Variants in SLC13A4 observed in about 807,000 individuals in gnomAD.
SLC13A4 encodes Na(+)/sulfate cotransporter SUT-1.
In SLC13A4, 28 loss-of-function variants were observed where a neutral mutation model predicts 72.7. The observed-to-expected ratio is 0.39, with a 90% CI of 0.29 to 0.53. The LOEUF (loss-of-function observed/expected upper bound fraction) is 0.53. Ranked by LOEUF, SLC13A4 falls within the 20% of genes least tolerant of loss-of-function variation. The probability of loss-of-function intolerance (pLI) is 0.78; values close to 1 mark genes in which losing one functional copy is unlikely to be tolerated. For missense variants in SLC13A4, 653 were observed against 788.0 expected, an observed-to-expected ratio of 0.83 and a Z score of 2.05; for synonymous variants, 312 against 325.5, an observed-to-expected ratio of 0.96 and a Z score of 0.45.
intron 2 of SLC13A4, among the ~76,000 whole-genome samples, chr7:135,716,630 A>G (rs1480553466): frequency 2.6e-5 from 4 of 152,308 alleles, no homozygotes; most frequent in East Asian, 3.9e-4. Context: ...TATTAATTCA[A>G]CGGAGGATTT....
intron 1 of SLC13A4, 127 bp downstream of exon 1, chr7:135,727,271 C>A: frequency 3.2e-6 from 4 of 1,240,518 alleles, no homozygotes; most frequent in Non-Finnish European, 3.3e-6. Context: ...AAAATCCTTC[C>A]ATTTCTTTAA....
chr7:135,699,585 C>G (rs941873036), intron 7 of SLC13A4, 37 bp from the exon 8 acceptor site: 1 of 1,546,370 alleles, frequency 6.5e-7, no homozygotes, highest in South Asian at 1.3e-5. Flanking sequence ...TCCAACCCAG[C>G]TTGGGCTGTC....
At chr7:135,708,421 A>G (rs73454413) in intron 2 of SLC13A4, among the ~76,000 whole-genome samples, 171 bp from the exon 3 acceptor site, 2,105 of 152,304 alleles carry the variant, frequency 0.014, 50 homozygotes, top group African/African-American at 0.048. Context: ...CTAGAGTCAC[A>G]TCTACTGAGC....
At chr7:135,704,807 GA>G (rs1796124895) in intron 5 of SLC13A4, 1 of 152,196 alleles carries the variant, frequency 6.6e-6, no homozygotes, top group South Asian at 2.1e-4. Context: ...TAGTGGTGGA[GA>G]AAAATAAAGC....
intron 13 of SLC13A4, among the ~76,000 whole-genome samples, chr7:135,690,205 AAAGAG>A (rs1795747225): frequency 6.7e-6 from 1 of 150,276 alleles, no homozygotes; most frequent in African/African-American, 2.4e-5. Flanking sequence ...AAAAAAAAAA[AAAGAG>A]AACCAAGTTT....
chr7:135,695,541 A>G, intron 8 of SLC13A4, 54 bp from the exon 9 acceptor site: 3 of 1,575,426 alleles, frequency 1.9e-6, no homozygotes, highest in Non-Finnish European at 1.7e-6. Context: ...TCCATATGGT[A>G]TTTTGGGGTA....
chr7:135,716,631 C>T (rs939339718), intron 2 of SLC13A4, among the ~76,000 whole-genome samples: 3 of 152,180 alleles, frequency 2.0e-5, no homozygotes, highest in Admixed American at 6.5e-5. Flanking sequence ...ATTAATTCAA[C>T]GGAGGATTTT....
intron 2 of SLC13A4, among the ~76,000 whole-genome samples, chr7:135,708,562 A>G (rs1796222659): frequency 6.6e-6 from 1 of 152,222 alleles, no homozygotes. Context: ...ATATGATGTG[A>G]ATATGATTTT....
rs568266494 is a variant in SLC13A4, at chr7:135,724,261, G to A, written c.100-2738C>T. Among the ~76,000 whole-genome samples, 8 of 152,276 alleles carry A rather than the reference G, an allele frequency of 5.3e-5. No individual in the cohort carries two copies. The South Asian group carries it at 1.0e-3, about 20-fold the overall frequency. On this transcript the variant is annotated intron_variant, in intron 1 of 15. Transcript: ENST00000682651. ...TGTAATCCCAGCACTATGGGAGGCCGAGGTGGGTGGATCAGTTGAGGTCAG... is the reference window on the plus strand; with the variant it reads ...TGTAATCCCAGCACTATGGGAGGCCAAGGTGGGTGGATCAGTTGAGGTCAG...
chr7:135,694,301 A>G lies in SLC13A4; in HGVS notation c.1020-63T>C, dbSNP rs1339365952. The G allele has an allele frequency of 3.9e-6, 4 of 1,012,990 alleles. No homozygotes were observed. In the Admixed American group the frequency reaches 5.4e-5, roughly 14 times the overall value. 62.8% of individuals were successfully genotyped at this position (1,012,990 alleles called of 1,614,324 possible). On this transcript the variant is annotated intron_variant, in intron 9 of 15. Coordinates refer to ENST00000682651, the MANE Select transcript of SLC13A4 (RefSeq NM_001318192.2). ...CACTTCTGAGGCCCAGAGATCAAAT[A>G]TTAGGTAAATACTAAACCGCTTGCC... is the stretch of plus-strand genomic sequence containing the variant.
At position 135,692,495 on chromosome 7, in the gene SLC13A4, G is replaced by A. The variant is rs1293584097; in HGVS notation, c.1122-71C>T. On this transcript the variant is annotated intron_variant, in intron 10 of 15. Transcript: ENST00000682651. ...TCCTAGCTTTTTCACTTTGCTTCTG[G>A]AAGCTTCTGTATTTAGAGTTTCAAT... 17 of 1,110,072 alleles carry A rather than the reference G, an allele frequency of 1.5e-5. 1 individual carries two copies. The South Asian group carries it at 2.0e-4, about 13-fold the overall frequency. 68.8% of individuals were successfully genotyped at this position (1,110,072 alleles called of 1,614,324 possible). A position where few individuals can be genotyped will look rare whatever the true frequency, so the allele number is the denominator to read the frequency against.
intron 14 of SLC13A4, among the ~76,000 whole-genome samples, chr7:135,685,160 T>G (rs1402012940): frequency 1.3e-5 from 2 of 152,210 alleles, no homozygotes; most frequent in Non-Finnish European, 2.9e-5. Context: ...TCTTTGGCCC[T>G]ACTCAGGTTT....
rs182916781 is a variant in SLC13A4 at position 135,690,993 on chromosome 7, C to T, written c.1446+208G>A. ...TAGCCTGGCCAACATGGTGAAACCGCGTCTCTACTAAAAATACAAAAACTA... is the reference window on the plus strand; with the variant it reads ...TAGCCTGGCCAACATGGTGAAACCGTGTCTCTACTAAAAATACAAAAACTA... On this transcript the variant is annotated intron_variant, in intron 13 of 15. Coordinates refer to ENST00000682651, the MANE Select transcript of SLC13A4 (RefSeq NM_001318192.2). 1.2e-4 allele frequency among the ~76,000 whole-genome samples: 19 copies of T among 152,108 alleles called. 1 individual carries two copies. The South Asian group carries it at 3.1e-3, about 25-fold the overall frequency.
At position 135,682,072 on chromosome 7, in the gene SLC13A4, G is replaced by A. The variant is rs943528578; in HGVS notation, c.1747-372C>T. Among the ~76,000 whole-genome samples the A allele has an allele frequency of 3.9e-5, 6 of 152,320 alleles. No individual in the cohort carries two copies. In the South Asian group the frequency reaches 6.2e-4, roughly 16 times the overall value. On this transcript the variant is annotated intron_variant, in intron 15 of 15. Coordinates refer to ENST00000682651, the MANE Select transcript of SLC13A4 (RefSeq NM_001318192.2). Reference sequence around the variant, plus strand: ...TAAAGCAGGAACTTCTCAGAGCCCCGATGCGTTAATACAGGGAACTTGTAC... The same window carrying A: ...TAAAGCAGGAACTTCTCAGAGCCCCAATGCGTTAATACAGGGAACTTGTAC...
At chr7:135,681,826 T>C in intron 15 of SLC13A4, 126 bp from the exon 16 acceptor site, 2 of 1,294,918 alleles carry the variant, frequency 1.5e-6, no homozygotes, top group Non-Finnish European at 2.1e-6. Context: ...CTGCCTGGGG[T>C]GCTCTAGCAT....
intron 2 of SLC13A4, among the ~76,000 whole-genome samples, chr7:135,715,972 G>A (rs565149278): frequency 2.6e-5 from 4 of 152,362 alleles, no homozygotes; most frequent in East Asian, 3.9e-4. Flanking sequence ...CAAAGTCTAT[G>A]TCTAGTGTAT....
intron 2 of SLC13A4, among the ~76,000 whole-genome samples, chr7:135,720,410 C>T (rs1314920035): frequency 1.3e-5 from 2 of 152,096 alleles, no homozygotes; most frequent in African/African-American, 2.4e-5. Flanking sequence ...TTGTACAGCC[C>T]TTGGGAGTAT....
Position 135,699,409 on chromosome 7 carries a change from A to C in SLC13A4, c.854T>G (p.Ile285Ser), listed in dbSNP as rs1795979625. 3 of 1,613,354 alleles carry C rather than the reference A, an allele frequency of 1.9e-6. No homozygotes were observed. In the East Asian group the frequency reaches 6.7e-5, roughly 36 times the overall value. ...GATGAGGCTGGTGGAGGTGCCGATG[A>C]TGGTGGTCAGGCCGCCAATGGTAGC... is the stretch of plus-strand genomic sequence containing the variant. The part of the protein sequence containing the change: ...YSATIGGLTT[I>S]IGTSTSLIFL... Residue 285 changes from isoleucine (I) to serine (S), a missense_variant, in exon 8 of 16, where the codon ATC becomes AGC. Coordinates refer to ENST00000682651, the MANE Select transcript of SLC13A4 (RefSeq NM_001318192.2).
intron 9 of SLC13A4, among the ~76,000 whole-genome samples, chr7:135,694,906 CTTG>C (rs1795867578): frequency 6.6e-6 from 1 of 152,182 alleles, no homozygotes; most frequent in South Asian, 2.1e-4. Flanking sequence ...AGTAGACTGA[CTTG>C]TTATTTTGAG....
Sources: gnomAD v4.1 joint callset for allele counts (sites outside exome capture counted in the v4.1 genomes callset) on GRCh38, gnomAD v4.1.1 for gene constraint, MANE v1.5 for transcripts, NCBI Gene and HGNC (gene_info 2026-07-23, HGNC 2026-07-21) for gene names.